ARMH1: variants seen among roughly 807,000 people sequenced by gnomAD.
The protein encoded by ARMH1 is armadillo like helical domain containing 1, also known as armadillo-like helical domain containing protein 1.
A neutral mutation model predicts 50.2 loss-of-function variants in ARMH1; 34 were observed. That is an observed-to-expected ratio of 0.68 (90% CI 0.51 to 0.90). The LOEUF is 0.90. Among genes scored for constraint, ARMH1 ranks in the 40% least tolerant of loss-of-function variants. ARMH1 has a pLI of 0.00. For synonymous variants in ARMH1, 221 were observed against 224.2 expected (o/e 0.99, Z 0.13); for missense variants, 538 against 553.9 (o/e 0.97, Z 0.29).
At position 44,724,475 on chromosome 1, in the gene ARMH1, G is replaced by C; in HGVS notation, c.921-64G>C. 1 of 1,508,594 alleles carries C rather than the reference G, an allele frequency of 6.6e-7. No individual in the cohort carries two copies. Among genetic ancestry groups the C allele is most frequent in the Non-Finnish European group, 8.8e-7 (1 of 1,132,058 alleles). The allele number at this position is 1,508,594 out of a possible 1,614,324, so 93.5% of individuals were successfully genotyped here. ...GGCCCCGGGAGCGCTCCGTGCGCCGGGTGGGCGGGGGTGTGCGCCGGGTGA... is the reference window on the plus strand; with the variant it reads ...GGCCCCGGGAGCGCTCCGTGCGCCGCGTGGGCGGGGGTGTGCGCCGGGTGA... On this transcript the variant is annotated intron_variant, in intron 8 of 11. Transcript: ENST00000535358. This position sits in a 1 kb window ranked among gnomAD's most constrained non-coding sequence, Gnocchi z 6.4.
At position 44,681,055 on chromosome 1, in the gene ARMH1, C is replaced by T. The variant is rs557481927; in HGVS notation, c.-23+6182C>T. ...TGTCACCCAGGCTGGAGTGTAGTGG[C>T]GTGATCTCGGCTCACTGCAAGCTCC... On this transcript the variant is annotated intron_variant, in intron 1 of 11. Coordinates refer to ENST00000535358, the MANE Select transcript of ARMH1 (RefSeq NM_001145636.2). The surrounding 1 kb of genome is among the most constrained non-coding windows in gnomAD (Gnocchi z 4.3). Among the ~76,000 whole-genome samples, 149 of 146,328 alleles carry T rather than the reference C, an allele frequency of 1.0e-3. 1 individual carries two copies. The highest frequency in any genetic ancestry group is 1.9e-3 in the Non-Finnish European group (126 of 67,410).
At chr1:44,685,042 C>A (rs1645424269) in intron 1 of ARMH1, among the ~76,000 whole-genome samples, 1 of 152,118 alleles carries the variant, frequency 6.6e-6, no homozygotes, top group African/African-American at 2.4e-5. Flanking sequence ...AACAAACAAG[C>A]TTCCACTGAC....
rs1298799398 is a variant in ARMH1, at chr1:44,724,794, G to A, written c.1083G>A (p.Glu361=). 6.5e-7 allele frequency: 1 copy of A among 1,543,706 alleles called. No homozygotes were observed. The highest frequency in any genetic ancestry group is 8.7e-7 in the Non-Finnish European group (1 of 1,146,766). The change falls in exon 10 of 12, where the codon GAG becomes GAA. Residue 361 remains glutamate, a synonymous_variant. Coordinates refer to ENST00000535358, the MANE Select transcript of ARMH1 (RefSeq NM_001145636.2). The surrounding 1 kb of genome is among the most constrained non-coding windows in gnomAD (Gnocchi z 6.4). The part of the protein sequence containing the change: ...CFVQMFPLVA[E]HVRKCMGEEL... ...TGCAGATGTTCCCCTTGGTGGCGGA[G>A]CACGTGCGCAAGTGCATGGGGGAGG...
chr1:44,691,183 G>A (rs1016155381), intron 2 of ARMH1, among the ~76,000 whole-genome samples: 14 of 152,030 alleles, frequency 9.2e-5, no homozygotes, highest in South Asian at 2.1e-4. Context: ...ATTTGAACCC[G>A]GGAGGCGGAG....
In ARMH1 at chr1:44,701,108, A is replaced by G. The variant is rs530966313; in HGVS notation, c.628A>G (p.Arg210Gly). Residue 210 changes from arginine (R) to glycine (G), a missense_variant, in exon 5 of 12, where the codon AGG becomes GGG. Arg to Gly is a moderately radical substitution (Grantham distance 125). Coordinates refer to ENST00000535358, the MANE Select transcript of ARMH1 (RefSeq NM_001145636.2). ...CCAGCAGCTGTCCCTGCAGACTCTC[A>G]GGACTGCCCAGGTGAGCCAAGGCTG... is the stretch of plus-strand genomic sequence containing the variant. ...KAQQLSLQTL[R>G]TAQPIIGTTH... 9.7e-6 allele frequency: 15 copies of G among 1,549,462 alleles called. No individual in the cohort carries two copies. The East Asian group carries it at 3.2e-4, about 33-fold the overall frequency.
chr1:44,713,954 A>T (rs1183801659), intron 6 of ARMH1, among the ~76,000 whole-genome samples: 1 of 152,188 alleles, frequency 6.6e-6, no homozygotes, highest in Non-Finnish European at 1.5e-5. Flanking sequence ...TATTGTTTCA[A>T]CATTGAGCTT....
chr1:44,724,619 G>A lies in ARMH1; in HGVS notation c.1001G>A (p.Gly334Asp). The A allele has an allele frequency of 6.6e-7, 1 of 1,513,172 alleles. No individual in the cohort carries two copies. The highest frequency in any genetic ancestry group is 2.1e-5 in the Admixed American group (1 of 47,776). The allele number at this position is 1,513,172 out of a possible 1,614,324, so 93.7% of individuals were successfully genotyped here. The change falls in exon 9 of 12, where the codon GGC (glycine) becomes GAC (aspartate). Residue 334 changes from glycine to aspartate, a missense_variant. Coordinates refer to ENST00000535358, the MANE Select transcript of ARMH1 (RefSeq NM_001145636.2). This position sits in a 1 kb window ranked among gnomAD's most constrained non-coding sequence, Gnocchi z 6.4. Reference protein sequence around the residue: ...RVVRGLMAAMGNTDHSNSQRL... With the variant: ...RVVRGLMAAMDNTDHSNSQRL... Reference sequence around the variant, plus strand: ...GTGCGTGGCCTAATGGCCGCCATGGGCAACACGGACCACAGCAACAGCCAG... The same window carrying A: ...GTGCGTGGCCTAATGGCCGCCATGGACAACACGGACCACAGCAACAGCCAG...
intron 3 of ARMH1, 41 bp from the exon 4 acceptor site, chr1:44,698,022 T>C: frequency 6.7e-7 from 1 of 1,484,092 alleles, no homozygotes. Flanking sequence ...CAAAGGAACT[T>C]GACAAGAGTT....
At chr1:44,677,072 G>A (rs908922722) in intron 1 of ARMH1, among the ~76,000 whole-genome samples, 1 of 152,168 alleles carries the variant, frequency 6.6e-6, no homozygotes, top group African/African-American at 2.4e-5. Flanking sequence ...GGAATTCTTC[G>A]ATGGTTTCCA....
intron 4 of ARMH1, among the ~76,000 whole-genome samples, chr1:44,700,428 T>C (rs187171360): frequency 5.8e-4 from 88 of 152,126 alleles, no homozygotes; most frequent in East Asian, 1.6e-3. Flanking sequence ...CCATCCTGGC[T>C]AACACTGTGA....
Position 44,724,496 on chromosome 1 carries a change from G to T in ARMH1, c.921-43G>T. 1 of 1,512,374 alleles carries T rather than the reference G, an allele frequency of 6.6e-7. No homozygotes were observed. Among genetic ancestry groups the T allele is most frequent in the Non-Finnish European group, 8.8e-7 (1 of 1,133,806 alleles). 93.7% of individuals were successfully genotyped at this position (1,512,374 alleles called of 1,614,324 possible). ...GCCGGGTGGGCGGGGGTGTGCGCCG[G>T]GTGAGCCCCAGGGCGTCGCCCCAGC... On this transcript the variant is annotated intron_variant, in intron 8 of 11. Transcript: ENST00000535358. The surrounding 1 kb of genome is among the most constrained non-coding windows in gnomAD (Gnocchi z 6.4).
chr1:44,721,796 A>G (rs538856705), intron 6 of ARMH1: 3 of 151,716 alleles, frequency 2.0e-5, no homozygotes, highest in African/African-American at 7.3e-5. Context: ...AGCCTTGCCT[A>G]GGCAAGACTT....
chr1:44,692,246 C>T (rs1044546201), intron 2 of ARMH1, among the ~76,000 whole-genome samples: 4 of 151,956 alleles, frequency 2.6e-5, no homozygotes, highest in Non-Finnish European at 4.4e-5. Flanking sequence ...TGGAGCAAGA[C>T]CTCATCTCTA....
At position 44,698,121 on chromosome 1, in the gene ARMH1, C is replaced by A; in HGVS notation, c.334C>A (p.Leu112Ile). 6.4e-7 allele frequency: 1 copy of A among 1,552,268 alleles called. No individual in the cohort carries two copies. Residue 112 changes from leucine to isoleucine, a missense_variant, in exon 4 of 12, where the codon CTT becomes ATT. Transcript: ENST00000535358. Reference sequence around the variant, plus strand: ...AGGTGTCCTAACCCTCTTGGAAATACTTGGGCTAGAGAAGATCAAGGAGGA... The same window carrying A: ...AGGTGTCCTAACCCTCTTGGAAATAATTGGGCTAGAGAAGATCAAGGAGGA... ...VGGVLTLLEI[L>I]GLEKIKEEAK...
intron 1 of ARMH1, among the ~76,000 whole-genome samples, chr1:44,675,724 C>T (rs757970885): frequency 4.0e-5 from 6 of 151,880 alleles, no homozygotes; most frequent in Non-Finnish European, 8.8e-5. Flanking sequence ...CTTTGGGAGG[C>T]TGAGGCGGGC....
chr1:44,722,092 A>C (rs1372946911), intron 6 of ARMH1, among the ~76,000 whole-genome samples: 1 of 152,218 alleles, frequency 6.6e-6, no homozygotes, highest in Non-Finnish European at 1.5e-5. Flanking sequence ...AACCCTGGTA[A>C]TAATTCTCGT....
intron 6 of ARMH1, among the ~76,000 whole-genome samples, chr1:44,708,241 C>T (rs1461852971): frequency 6.6e-6 from 1 of 152,184 alleles, no homozygotes; most frequent in Admixed American, 6.5e-5. Flanking sequence ...AGAGTAATTT[C>T]TTTGAGTTTG....
chr1:44,722,628 C>A (rs1647473053), intron 6 of ARMH1, among the ~76,000 whole-genome samples: 1 of 151,978 alleles, frequency 6.6e-6, no homozygotes, highest in Non-Finnish European at 1.5e-5. Context: ...CCTGTAATCC[C>A]AGCTTCCCAG....
At chr1:44,699,134 A>G (rs1426795007) in intron 4 of ARMH1, among the ~76,000 whole-genome samples, 1 of 151,928 alleles carries the variant, frequency 6.6e-6, no homozygotes, top group Non-Finnish European at 1.5e-5. Flanking sequence ...TACAAAAAAA[A>G]ATTCAAACGC....
Sources: allele counts gnomAD v4.1 joint callset (sites outside exome capture counted in the v4.1 genomes callset), GRCh38; gene constraint gnomAD v4.1.1; non-coding constraint Gnocchi (gnomAD v3.1); transcripts MANE v1.5; gene names NCBI Gene and HGNC (gene_info 2026-07-23, HGNC 2026-07-21).